The following ADAMTS19 variants were observed in gnomAD, a reference collection of about 807,000 sequenced individuals.
ADAMTS19 encodes ADAM metallopeptidase with thrombospondin type 1 motif 19.
Under a neutral mutation model 153.3 loss-of-function variants are expected in ADAMTS19, and 93 were observed. The ratio of observed to expected loss-of-function variants is 0.61; its 90% CI spans 0.51 to 0.72. The LOEUF is 0.72. ADAMTS19 is among the 30% of genes least tolerant of loss of function. The pLI is 0.00. For missense variants in ADAMTS19, 1,482 were observed against 1,552.1 expected, an observed-to-expected ratio of 0.95 and a Z score of 0.76; for synonymous variants, 600 against 556.6, an observed-to-expected ratio of 1.08 and a Z score of -1.10.
intron 21 of ADAMTS19, among the ~76,000 whole-genome samples, chr5:129,723,423 T>C (rs1757084747): frequency 6.6e-6 from 1 of 152,208 alleles, no homozygotes; most frequent in South Asian, 2.1e-4. Context: ...TAAGAAGGTA[T>C]ATTTCATTTG....
At chr5:129,599,422 A>G (rs1750536618) in intron 8 of ADAMTS19, among the ~76,000 whole-genome samples, 2 of 152,172 alleles carry the variant, frequency 1.3e-5, no homozygotes, top group Non-Finnish European at 2.9e-5. Flanking sequence ...GCTATGCAGT[A>G]ACACCTTGAT....
chr5:129,625,082 GGGTTGTTT>G (rs1360484394), intron 10 of ADAMTS19, among the ~76,000 whole-genome samples: 1 of 151,192 alleles, frequency 6.6e-6, no homozygotes, highest in African/African-American at 2.4e-5. Flanking sequence ...GTGAGAACAT[GGGTTGTTT>G]GGTTTTCTGA....
At chr5:129,715,970 AAGC>A (rs1376846481) in intron 21 of ADAMTS19, among the ~76,000 whole-genome samples, 8 of 152,130 alleles carry the variant, frequency 5.3e-5, no homozygotes, top group Non-Finnish European at 1.2e-4. Flanking sequence ...TGTGTGAGAG[AAGC>A]AGCAGCTGCG....
chr5:129,699,038 T>C (rs757133514), intron 19 of ADAMTS19, among the ~76,000 whole-genome samples: 5 of 152,198 alleles, frequency 3.3e-5, no homozygotes, highest in Non-Finnish European at 5.9e-5. Context: ...CCTCAAAATG[T>C]GGATCATTGC....
At chr5:129,699,781 A>G (rs1755744406) in intron 19 of ADAMTS19, among the ~76,000 whole-genome samples, 1 of 152,200 alleles carries the variant, frequency 6.6e-6, no homozygotes, top group Non-Finnish European at 1.5e-5. Flanking sequence ...AAGCAAGATG[A>G]GCATATGGTT....
chr5:129,652,490 T>C (rs1373837335), intron 13 of ADAMTS19, among the ~76,000 whole-genome samples: 1 of 152,204 alleles, frequency 6.6e-6, no homozygotes, highest in African/African-American at 2.4e-5. Context: ...CTGAAATCCA[T>C]GTCTATTGCA....
Position 129,679,893 on chromosome 5 carries a change from G to A in ADAMTS19, c.2636G>A (p.Gly879Asp). The change falls in exon 17 of 23, where the codon GGT becomes GAT. Residue 879 changes from glycine (G) to aspartate (D), a missense_variant. Coordinates refer to ENST00000274487, the MANE Select transcript of ADAMTS19 (RefSeq NM_133638.6). ...RGLWEKISAK[G>D]PTTAPLHLLV... is the part of the protein sequence containing the mutation. ...CTCTGGGAGAAGATCTCTGCCAAAGGTCCTACTACAGCACCTTTACATCTT... is the reference window on the plus strand; with the variant it reads ...CTCTGGGAGAAGATCTCTGCCAAAGATCCTACTACAGCACCTTTACATCTT... 1 of 1,613,850 alleles carries A rather than the reference G, an allele frequency of 6.2e-7. No individual in the cohort carries two copies. Among genetic ancestry groups the A allele is most frequent in the Non-Finnish European group, 8.5e-7 (1 of 1,179,946 alleles).
At chr5:129,521,896 A>G (rs1489181386) in intron 3 of ADAMTS19, among the ~76,000 whole-genome samples, 4 of 152,172 alleles carry the variant, frequency 2.6e-5, no homozygotes, top group African/African-American at 9.6e-5. Flanking sequence ...GAAAGGGAGA[A>G]TGAATACTGA....
chr5:129,484,237 A>T (rs896185849), intron 2 of ADAMTS19, among the ~76,000 whole-genome samples: 6 of 152,232 alleles, frequency 3.9e-5, no homozygotes, highest in African/African-American at 1.4e-4. Flanking sequence ...AAGCACAGAT[A>T]TAAATATAGG....
chr5:129,709,102 G>A (rs1561662398), intron 21 of ADAMTS19, among the ~76,000 whole-genome samples: 1 of 152,154 alleles, frequency 6.6e-6, no homozygotes, highest in East Asian at 1.9e-4. Flanking sequence ...AGAGGAATTA[G>A]ACAAATGAAG....
chr5:129,654,283 CT>C, intron 13 of ADAMTS19, 22 bp from the exon 14 acceptor site: 7 of 1,554,140 alleles, frequency 4.5e-6, no homozygotes, highest in Non-Finnish European at 5.2e-6. Flanking sequence ...TTTCTCATTT[CT>C]TTTTATCTAC....
At chr5:129,531,046 A>C (rs1752184128) in intron 6 of ADAMTS19, among the ~76,000 whole-genome samples, 1 of 152,172 alleles carries the variant, frequency 6.6e-6, no homozygotes, top group African/African-American at 2.4e-5. Context: ...AGTGACTTCC[A>C]AAACCATAAA....
chr5:129,505,635 A>G (rs1751245413), intron 2 of ADAMTS19, among the ~76,000 whole-genome samples: 1 of 152,184 alleles, frequency 6.6e-6, no homozygotes, highest in Admixed American at 6.6e-5. Context: ...AGAAAAAGAA[A>G]TTTCAACCAG....
chr5:129,570,543 T>A (rs1327148471), intron 7 of ADAMTS19, among the ~76,000 whole-genome samples: 1 of 151,698 alleles, frequency 6.6e-6, no homozygotes, highest in Non-Finnish European at 1.5e-5. Context: ...ATAATACAAA[T>A]TTTACATTAG....
chr5:129,696,834 A>G (rs1755579025), intron 19 of ADAMTS19, among the ~76,000 whole-genome samples: 1 of 152,146 alleles, frequency 6.6e-6, no homozygotes, highest in South Asian at 2.1e-4. Flanking sequence ...GGGTTAAGAT[A>G]AGGGGTTGTA....
chr5:129,706,563 CAAA>C (rs1175652790), intron 21 of ADAMTS19, among the ~76,000 whole-genome samples: 2 of 66,604 alleles, frequency 3.0e-5, no homozygotes. Flanking sequence ...GAGTGAAACT[CAAA>C]AAAAAAAAAA....
chr5:129,600,471 T>C (rs1750593728), intron 8 of ADAMTS19, among the ~76,000 whole-genome samples: 2 of 152,188 alleles, frequency 1.3e-5, no homozygotes. Context: ...ACCTTTATAA[T>C]CACATATAAA....
intron 10 of ADAMTS19, among the ~76,000 whole-genome samples, chr5:129,641,055 T>A (rs564643976): frequency 6.6e-6 from 1 of 152,186 alleles, no homozygotes; most frequent in Non-Finnish European, 1.5e-5. Context: ...GTTAACAATA[T>A]GTGTGAGTCT....
intron 6 of ADAMTS19, among the ~76,000 whole-genome samples, chr5:129,534,114 C>G (rs1236901602): frequency 6.6e-6 from 1 of 152,046 alleles, no homozygotes; most frequent in Non-Finnish European, 1.5e-5. Context: ...ATTAGGTCTG[C>G]TTGGTATAGA....
Sources: gnomAD v4.1 joint callset for allele counts (sites outside exome capture counted in the v4.1 genomes callset) on GRCh38, gnomAD v4.1.1 for gene constraint, MANE v1.5 for transcripts, NCBI Gene and HGNC (gene_info 2026-07-23, HGNC 2026-07-21) for gene names.